FGF13: variants seen among roughly 807,000 people sequenced by gnomAD.
The protein encoded by FGF13 is fibroblast growth factor homologous factor 2.
In FGF13, 2 loss-of-function variants were observed where a neutral mutation model predicts 19.5. The observed-to-expected ratio is 0.10, with a 90% CI of 0.04 to 0.32. The LOEUF is 0.32. Among genes scored for constraint, FGF13 ranks in the 10% least tolerant of loss-of-function variants. The pLI is 1.00. For synonymous variants in FGF13, 72 were observed against 76.9 expected (o/e 0.94, Z 0.33); for missense variants, 113 against 192.7 (o/e 0.59, Z 2.45).
chrX:138,756,300 G>A (rs2124323533), intron 3 of FGF13, among the ~76,000 whole-genome samples: 1 of 112,382 alleles, frequency 8.9e-6, no homozygotes, highest in East Asian at 2.8e-4. Context: ...GAAGCCCTGG[G>A]CAGTTTCTCC....
Position 138,711,118 on chromosome X carries a change from T to C in FGF13, c.-115A>G. ...CGCGACTTCGCCGCTTTGGTCTCCT[T>C]AGCCTGCGTTTGCCCGGGCTTCTCC... On this transcript the variant is annotated 5_prime_UTR_variant, in exon 1 of 5. Coordinates refer to ENST00000315930, the MANE Select transcript of FGF13 (RefSeq NM_004114.5). The C allele has an allele frequency of 9.0e-7, 1 of 1,116,443 alleles. No individual in the cohort carries two copies. Among genetic ancestry groups the C allele is most frequent in the East Asian group, 3.2e-5 (1 of 31,656 alleles). The allele number at this position is 1,116,443 out of a possible 1,213,427, so 92.0% of individuals were successfully genotyped here.
intron 1 of FGF13, among the ~76,000 whole-genome samples, chrX:139,064,338 C>T (rs2092347817): frequency 1.4e-5 from 1 of 71,015 alleles, no homozygotes; most frequent in South Asian, 1.0e-3. Flanking sequence ...CTCTGTCGCC[C>T]AGGCCGGACT....
chrX:138,871,190 A>T, intron 1 of FGF13, among the ~76,000 whole-genome samples: 1 of 112,648 alleles, frequency 8.9e-6, no homozygotes, highest in Non-Finnish European at 1.9e-5. Context: ...TGTATGCAGA[A>T]TTGACACAGC....
At chrX:138,924,330 T>C (rs984436868) in intron 1 of FGF13, among the ~76,000 whole-genome samples, 1 of 111,274 alleles carries the variant, frequency 9.0e-6, no homozygotes, top group African/African-American at 3.3e-5. Context: ...TTTCCCACAG[T>C]TGGAAAAGAT....
upstream of FGF13, among the ~76,000 whole-genome samples, chrX:138,740,245 G>A (rs992182157): frequency 9.0e-6 from 1 of 111,442 alleles, no homozygotes; most frequent in African/African-American, 3.3e-5. Context: ...TCGAGTCAGA[G>A]AGAAAGGAAA....
chrX:138,947,802 A>G (rs2124282810), intron 1 of FGF13, among the ~76,000 whole-genome samples: 1 of 111,930 alleles, frequency 8.9e-6, no homozygotes, highest in East Asian at 2.8e-4. Flanking sequence ...GGGTGACTGT[A>G]TTTGGAGATA....
At chrX:139,048,755 T>A (rs980877444) in intron 1 of FGF13, among the ~76,000 whole-genome samples, 22 of 111,092 alleles carry the variant, frequency 2.0e-4, no homozygotes, top group Admixed American at 1.3e-3. Flanking sequence ...TTTAATAATA[T>A]ATATTTTGCA....
chrX:138,727,290 AC>A, intron 1 of FGF13, among the ~76,000 whole-genome samples: 1 of 110,476 alleles, frequency 9.1e-6, no homozygotes. Context: ...TCAATGAGGC[AC>A]AGGAAGCAGT....
chrX:138,806,937 A>G (rs1362071866), intron 3 of FGF13: 1 of 111,644 alleles, frequency 9.0e-6, no homozygotes, highest in Non-Finnish European at 1.9e-5. Flanking sequence ...AAAATGTGTA[A>G]ATACGCAGAG....
At chrX:138,766,144 C>T (rs2090500769) in intron 3 of FGF13, among the ~76,000 whole-genome samples, 1 of 112,381 alleles carries the variant, frequency 8.9e-6, no homozygotes, top group African/African-American at 3.2e-5. Context: ...CCAATACTTA[C>T]ATTTTTTAAA....
rs2089455241 is a variant in FGF13 at position 138,658,142 on chromosome X, T to A, written c.403-22487A>T. ...TTTCACCAGGACTACAATATTTGTG[T>A]TCAGGAGGGAAGGATGTTTTTCTAC... On this transcript the variant is annotated intron_variant, in intron 3 of 4. Transcript: ENST00000315930. Among the ~76,000 whole-genome samples the A allele has an allele frequency of 2.7e-5, 3 of 112,250 alleles. No individual in the cohort carries two copies. In the South Asian group the frequency reaches 1.1e-3, roughly 41 times the overall value.
At chrX:138,931,204 C>T (rs1024681794) in intron 1 of FGF13, among the ~76,000 whole-genome samples, 1 of 111,166 alleles carries the variant, frequency 9.0e-6, no homozygotes, top group African/African-American at 3.3e-5. Flanking sequence ...AGCCCATTTG[C>T]AATAGCAGAC....
rs754409856 is a variant in FGF13, at chrX:138,664,670, C to G, written c.403-29015G>C. Among the ~76,000 whole-genome samples, 32 of 110,514 alleles carry G rather than the reference C, an allele frequency of 2.9e-4. No homozygotes were observed. The East Asian group carries it at 9.3e-3, about 32-fold the overall frequency. ...TAGAACACTTGGCAGTTAGAAAATG[C>G]CAAGAGGGTTTCCCACATAAGGCTG... is the stretch of plus-strand genomic sequence containing the variant. On this transcript the variant is annotated intron_variant, in intron 3 of 4. Coordinates refer to ENST00000315930, the MANE Select transcript of FGF13 (RefSeq NM_004114.5).
chrX:138,927,611 T>G (rs2091680702), intron 1 of FGF13, among the ~76,000 whole-genome samples: 1 of 112,343 alleles, frequency 8.9e-6, no homozygotes. Context: ...AAAACATGTC[T>G]TCGTAATAGA....
intron 1 of FGF13, among the ~76,000 whole-genome samples, chrX:139,003,265 G>A (rs1405106556): frequency 9.1e-6 from 1 of 109,544 alleles, no homozygotes; most frequent in African/African-American, 3.3e-5. Flanking sequence ...AAGGCAGCGC[G>A]TCTGGAGTTG....
chrX:138,967,093 T>C (rs764713089), intron 1 of FGF13, among the ~76,000 whole-genome samples: 23 of 111,065 alleles, frequency 2.1e-4, no homozygotes, highest in South Asian at 1.9e-3. Flanking sequence ...GGGTATGTCC[T>C]TATAGCAGCC....
chrX:139,041,513 T>C (rs1000469460), intron 1 of FGF13, among the ~76,000 whole-genome samples: 1 of 111,711 alleles, frequency 9.0e-6, no homozygotes, highest in Non-Finnish European at 1.9e-5. Context: ...ACTCCTCCTA[T>C]TGACACCTAA....
intron 1 of FGF13, among the ~76,000 whole-genome samples, chrX:138,731,677 A>C (rs2090232730): frequency 9.0e-6 from 1 of 110,997 alleles, no homozygotes; most frequent in African/African-American, 3.3e-5. Flanking sequence ...AAGAAGTAAT[A>C]AAAATGAGAA....
intron 2 of FGF13, among the ~76,000 whole-genome samples, chrX:138,858,119 AAGC>A (rs1423975318): frequency 8.9e-6 from 1 of 111,853 alleles, no homozygotes; most frequent in African/African-American, 3.3e-5. Context: ...CCTTACTTCC[AAGC>A]AGTATACACG....
Sources: allele counts gnomAD v4.1 joint callset (sites outside exome capture counted in the v4.1 genomes callset), GRCh38; gene constraint gnomAD v4.1.1; transcripts MANE v1.5; gene names NCBI Gene and HGNC (gene_info 2026-07-23, HGNC 2026-07-21).